The following DPP4 variants were observed in gnomAD, a reference collection of about 807,000 sequenced individuals.
DPP4 encodes the protein dipeptidyl peptidase 4.
DPP4 carries 93 observed loss-of-function variants against 122.4 expected under a neutral mutation model. The observed-to-expected ratio is 0.76, with a 90% CI of 0.64 to 0.90. The LOEUF (loss-of-function observed/expected upper bound fraction) is 0.90, where lower values mean the gene tolerates loss of function less well. Among genes scored for constraint, DPP4 ranks in the 40% least tolerant of loss-of-function variants. DPP4 has a pLI of 0.00. For missense variants in DPP4, 914 were observed against 907.3 expected, an observed-to-expected ratio of 1.01 and a Z score of -0.09; for synonymous variants, 321 against 302.9, an observed-to-expected ratio of 1.06 and a Z score of -0.62.
rs767838701 is a variant in DPP4 at position 162,033,658 on chromosome 2, GA to G, written c.775-6del. ...AGTTGGATTCACAGCTCCTGCCTAG[GA>G]AAAAATAATCACAGAATTGGTATTG... is the stretch of plus-strand genomic sequence containing the variant. On this transcript the variant is annotated splice_polypyrimidine_tract_variant and splice_region_variant and intron_variant, in intron 9 of 25. Transcript: ENST00000360534. The G allele has an allele frequency of 1.2e-5, 19 of 1,558,948 alleles. No individual in the cohort carries two copies. The highest frequency in any genetic ancestry group is 1.6e-5 in the Non-Finnish European group (18 of 1,153,760).
chr2:162,045,391 C>T (rs1684136061), intron 5 of DPP4, 141 bp downstream of exon 5: 1 of 638,650 alleles, frequency 1.6e-6, no homozygotes, highest in Non-Finnish European at 2.8e-6. Flanking sequence ...ATGAGAATGA[C>T]TCTGATTCTG....
intron 2 of DPP4, among the ~76,000 whole-genome samples, chr2:162,055,525 C>T (rs1331715132): frequency 6.6e-6 from 1 of 151,878 alleles, no homozygotes; most frequent in African/African-American, 2.4e-5. Flanking sequence ...GGTGAAACCC[C>T]ATCTCTACTA....
chr2:161,998,084 G>A (rs760535915), intron 23 of DPP4, among the ~76,000 whole-genome samples: 1 of 152,206 alleles, frequency 6.6e-6, no homozygotes, highest in Admixed American at 6.5e-5. Context: ...AATCAGAAGA[G>A]AGATTGCTCT....
At chr2:162,004,758 C>G (rs1278861566) in intron 23 of DPP4, among the ~76,000 whole-genome samples, 1 of 152,142 alleles carries the variant, frequency 6.6e-6, no homozygotes, top group Non-Finnish European at 1.5e-5. Flanking sequence ...TGACATCTTA[C>G]AAAAACATAT....
chr2:162,039,242 C>T, intron 5 of DPP4, 58 bp from the exon 6 acceptor site: 2 of 1,352,726 alleles, frequency 1.5e-6, no homozygotes, highest in Non-Finnish European at 2.1e-6. Flanking sequence ...TGGCCACTCA[C>T]TATAGGAGAC....
In DPP4 at chr2:161,993,063, C is replaced by T. The variant is rs202103423; in HGVS notation, c.*220G>A. The T allele has an allele frequency of 3.1e-5, 13 of 424,340 alleles. No homozygotes were observed. The highest frequency in any genetic ancestry group is 5.1e-5 in the Non-Finnish European group (12 of 234,422). 26.3% of individuals were successfully genotyped at this position (424,340 alleles called of 1,614,324 possible). ...AGAAATGATTTTAAACAATAAAACC[C>T]GACCGGATAATTCAAACTTCTGTAA... On this transcript the variant is annotated 3_prime_UTR_variant, in exon 26 of 26. Transcript: ENST00000360534.
chr2:161,994,880 A>C (rs1403352782), intron 25 of DPP4, 81 bp downstream of exon 25: 1 of 1,313,674 alleles, frequency 7.6e-7, no homozygotes, highest in African/African-American at 1.5e-5. Context: ...TGTCTGTGGC[A>C]CTGCTAAAAG....
At chr2:162,022,550 T>G (rs1683168503) in intron 12 of DPP4, among the ~76,000 whole-genome samples, 1 of 152,212 alleles carries the variant, frequency 6.6e-6, no homozygotes, top group Non-Finnish European at 1.5e-5. Flanking sequence ...ATTTTTCACT[T>G]GTCCCCTTAC....
At chr2:161,994,503 C>G (rs17759529) in intron 25 of DPP4, among the ~76,000 whole-genome samples, 26,531 of 152,178 alleles carry the variant, frequency 0.17, 2,455 homozygotes, top group Middle Eastern at 0.27. Flanking sequence ...AAAAGATCAC[C>G]TTGTAATTGC....
intron 20 of DPP4, 37 bp downstream of exon 20, chr2:162,011,756 A>G (rs76064232): frequency 1.9e-6 from 3 of 1,593,378 alleles, no homozygotes; most frequent in Admixed American, 3.5e-5. Context: ...GGGAAAAAAA[A>G]TCAGATGACC....
At chr2:162,048,599 T>C (rs1275370129) in intron 2 of DPP4, among the ~76,000 whole-genome samples, 3 of 152,144 alleles carry the variant, frequency 2.0e-5, no homozygotes, top group Non-Finnish European at 4.4e-5. Flanking sequence ...CCAGAAGATC[T>C]TGGGCTTTTC....
Position 162,044,842 on chromosome 2 carries a change from C to T in DPP4, c.366+690G>A, listed in dbSNP as rs917501388. 5.3e-5 allele frequency among the ~76,000 whole-genome samples: 8 copies of T among 152,256 alleles called. No homozygotes were observed. The South Asian group carries it at 1.0e-3, about 20-fold the overall frequency. On this transcript the variant is annotated intron_variant, in intron 5 of 25. Transcript: ENST00000360534. Reference sequence around the variant, plus strand: ...CTTTACGATCTGTGGTGAGGCTCTCCTCCTTAGAATAGTTTGTATATGGTG... The same window carrying T: ...CTTTACGATCTGTGGTGAGGCTCTCTTCCTTAGAATAGTTTGTATATGGTG...
At chr2:162,020,554 T>A in intron 13 of DPP4, 27 bp downstream of exon 13, 1 of 1,534,680 alleles carries the variant, frequency 6.5e-7, no homozygotes. Context: ...GAGGTCAACA[T>A]GAAATAAAAT....
intron 22 of DPP4, 100 bp from the exon 23 acceptor site, chr2:162,005,909 T>C (rs181219567): frequency 2.2e-6 from 2 of 906,236 alleles, no homozygotes; most frequent in East Asian, 2.6e-5. Context: ...TATTCACTCA[T>C]GTATAGGAAT....
At chr2:162,033,775 G>A (rs1364622810) in intron 9 of DPP4, 122 bp from the exon 10 acceptor site, 1 of 584,398 alleles carries the variant, frequency 1.7e-6, no homozygotes. Flanking sequence ...AATCAGACAT[G>A]TTCCAACAAT....
chr2:162,043,554 G>A (rs1684064812), intron 5 of DPP4, among the ~76,000 whole-genome samples: 1 of 152,116 alleles, frequency 6.6e-6, no homozygotes, highest in Non-Finnish European at 1.5e-5. Context: ...GGCCACCAGG[G>A]GAATACACGC....
At chr2:162,047,700 A>G (rs1000306177) in intron 2 of DPP4, among the ~76,000 whole-genome samples, 199 bp from the exon 3 acceptor site, 1 of 152,256 alleles carries the variant, frequency 6.6e-6, no homozygotes, top group Admixed American at 6.5e-5. Flanking sequence ...AGTGTGTGAG[A>G]GTGTGTGTGT....
chr2:162,068,411 G>C (rs1421097260), intron 2 of DPP4, among the ~76,000 whole-genome samples: 1 of 152,188 alleles, frequency 6.6e-6, no homozygotes, highest in African/African-American at 2.4e-5. Flanking sequence ...TCCCAACTTT[G>C]TGGAACTTTG....
intron 16 of DPP4, among the ~76,000 whole-genome samples, chr2:162,018,008 G>C (rs1023015745): frequency 6.6e-6 from 1 of 151,292 alleles, no homozygotes; most frequent in African/African-American, 2.4e-5. Context: ...ACAGTGCTTA[G>C]AATAAAGCGC....
Sources: gnomAD v4.1 joint callset for allele counts (sites outside exome capture counted in the v4.1 genomes callset) on GRCh38, gnomAD v4.1.1 for gene constraint, MANE v1.5 for transcripts, NCBI Gene and HGNC (gene_info 2026-07-23, HGNC 2026-07-21) for gene names.